The following ADGRB3 variants were observed in gnomAD, a reference collection of about 807,000 sequenced individuals.
ADGRB3 encodes the protein adhesion G protein-coupled receptor B3, also known as brain-specific angiogenesis inhibitor 3.
A neutral mutation model predicts 193.4 loss-of-function variants in ADGRB3; 37 were observed. The ratio of observed to expected loss-of-function variants is 0.19; its 90% confidence interval spans 0.15 to 0.25. The LOEUF is 0.25. Among genes scored for constraint, ADGRB3 ranks in the 10% least tolerant of loss-of-function variants. ADGRB3 has a pLI of 1.00. For synonymous variants in ADGRB3, 690 were observed against 644.2 expected, an observed-to-expected ratio of 1.07 and a Z score of -1.08; for missense variants, 1,637 against 1,852.9, an observed-to-expected ratio of 0.88 and a Z score of 2.14.
chr6:69,218,223 G>A (rs756680976), intron 17 of ADGRB3, among the ~76,000 whole-genome samples: 3 of 152,026 alleles, frequency 2.0e-5, no homozygotes, highest in Non-Finnish European at 2.9e-5. Context: ...ACCCATTAAC[G>A]TCAGGACTGA....
chr6:69,198,455 C>T (rs145417264), intron 17 of ADGRB3, among the ~76,000 whole-genome samples: 1 of 151,836 alleles, frequency 6.6e-6, no homozygotes, highest in South Asian at 2.1e-4. Flanking sequence ...AAAGATGGAG[C>T]GTGGGATGAT....
intron 17 of ADGRB3, among the ~76,000 whole-genome samples, chr6:69,156,690 G>A (rs1204136638): frequency 6.6e-6 from 1 of 152,154 alleles, no homozygotes; most frequent in Admixed American, 6.5e-5. Context: ...GTATACAATG[G>A]ATTGCAAAGA....
intron 13 of ADGRB3, among the ~76,000 whole-genome samples, chr6:69,033,923 A>G (rs1378362766): frequency 3.9e-5 from 6 of 152,080 alleles, no homozygotes; most frequent in Non-Finnish European, 8.8e-5. Flanking sequence ...GCTGATGACT[A>G]CAAAGTAGAA....
At chr6:68,771,674 A>G (rs1304521161) in intron 3 of ADGRB3, among the ~76,000 whole-genome samples, 1 of 152,142 alleles carries the variant, frequency 6.6e-6, no homozygotes, top group Non-Finnish European at 1.5e-5. Context: ...CAAACAAGCA[A>G]GTTAGCAATA....
At chr6:68,911,756 T>C (rs982124233) in intron 3 of ADGRB3, among the ~76,000 whole-genome samples, 1 of 152,204 alleles carries the variant, frequency 6.6e-6, no homozygotes, top group African/African-American at 2.4e-5. Flanking sequence ...CATGATGTCT[T>C]TTCATTTGGA....
At chr6:69,252,737 A>C (rs1766651783) in intron 20 of ADGRB3, among the ~76,000 whole-genome samples, 1 of 152,022 alleles carries the variant, frequency 6.6e-6, no homozygotes. Flanking sequence ...TTTTTCCTAT[A>C]GCTAGTGTTT....
intron 20 of ADGRB3, among the ~76,000 whole-genome samples, chr6:69,312,691 T>TA (rs1168420719): frequency 4.0e-5 from 6 of 151,686 alleles, no homozygotes; most frequent in African/African-American, 7.3e-5. Context: ...TGTTTTTGCT[T>TA]AAAAAAATAC....
chr6:69,200,213 T>G (rs1339132714), intron 17 of ADGRB3, among the ~76,000 whole-genome samples: 2 of 151,342 alleles, frequency 1.3e-5, no homozygotes, highest in Non-Finnish European at 2.9e-5. Context: ...TTCAAGAAAA[T>G]GAGAGAGAAA....
At chr6:68,824,372 A>T (rs1224687299) in intron 3 of ADGRB3, among the ~76,000 whole-genome samples, 1 of 151,208 alleles carries the variant, frequency 6.6e-6, no homozygotes, top group Non-Finnish European at 1.5e-5. Flanking sequence ...ATAAAATATT[A>T]CAGTTATCTT....
intron 20 of ADGRB3, among the ~76,000 whole-genome samples, chr6:69,303,497 T>A: frequency 6.6e-6 from 1 of 151,788 alleles, no homozygotes; most frequent in East Asian, 1.9e-4. Flanking sequence ...ACACTTCCAC[T>A]TCAAAGTTTT....
chr6:68,885,618 T>A (rs1354637445), intron 3 of ADGRB3, among the ~76,000 whole-genome samples: 1 of 152,182 alleles, frequency 6.6e-6, no homozygotes, highest in Non-Finnish European at 1.5e-5. Context: ...CTTAAAGTGT[T>A]GAACTCATGG....
rs541505651 is a variant in ADGRB3, at chr6:69,122,336, G to A, written c.2480+46298G>A. Among the ~76,000 whole-genome samples the A allele has an allele frequency of 3.6e-3, 550 of 151,396 alleles. 5 individuals are homozygous for A. The highest frequency in any genetic ancestry group is 0.01 in the Middle Eastern group (3 of 294). ...TGGTGGCACGCGCCTGTAATCCCAGGCACTCGGCAGGCTGAGGCAGGAGAA... is the reference window on the plus strand; with the variant it reads ...TGGTGGCACGCGCCTGTAATCCCAGACACTCGGCAGGCTGAGGCAGGAGAA... On this transcript the variant is annotated intron_variant, in intron 17 of 31. Coordinates refer to ENST00000370598, the MANE Select transcript of ADGRB3 (RefSeq NM_001704.3).
chr6:68,954,347 A>C (rs1471210165), intron 6 of ADGRB3, among the ~76,000 whole-genome samples: 1 of 152,110 alleles, frequency 6.6e-6, no homozygotes, highest in African/African-American at 2.4e-5. Context: ...TGACTAATAG[A>C]TTCTCAAAAT....
chr6:68,685,868 GGGC>G (rs1220973915), intron 3 of ADGRB3, among the ~76,000 whole-genome samples: 1 of 152,156 alleles, frequency 6.6e-6, no homozygotes, highest in Non-Finnish European at 1.5e-5. Context: ...ACTCCAGCCT[GGGC>G]GACAGAGCGA....
intron 17 of ADGRB3, among the ~76,000 whole-genome samples, chr6:69,148,039 G>A (rs1405488377): frequency 6.6e-6 from 1 of 152,054 alleles, no homozygotes; most frequent in Non-Finnish European, 1.5e-5. Context: ...GGTGAAGTGT[G>A]TCTCTTGTAG....
At position 68,877,165 on chromosome 6, in the gene ADGRB3, A is replaced by T. The variant is rs567236804; in HGVS notation, c.758-53394A>T. On this transcript the variant is annotated intron_variant, in intron 3 of 31. Transcript: ENST00000370598. ...GCCTTTATAGTTCCCTTCAGAAAAT[A>T]TTCAGCAAGATAAATTTATGTGTAA... Among the ~76,000 whole-genome samples, 25 of 152,176 alleles carry T rather than the reference A, an allele frequency of 1.6e-4. No individual in the cohort carries two copies. The South Asian group carries it at 5.0e-3, about 30-fold the overall frequency.
chr6:68,691,806 T>A (rs1937193751), intron 3 of ADGRB3, among the ~76,000 whole-genome samples: 1 of 150,938 alleles, frequency 6.6e-6, no homozygotes, highest in African/African-American at 2.4e-5. Context: ...CTACTCTACT[T>A]GTGAGTACTA....
chr6:68,785,463 A>G (rs1766947312), intron 3 of ADGRB3, among the ~76,000 whole-genome samples: 1 of 151,684 alleles, frequency 6.6e-6, no homozygotes, highest in African/African-American at 2.4e-5. Context: ...AGCTTCATCC[A>G]TGTCCCTACA....
chr6:69,388,652 G>T, intron 31 of ADGRB3, 51 bp from the exon 32 acceptor site: 1 of 1,528,260 alleles, frequency 6.5e-7, no homozygotes, highest in East Asian at 2.3e-5. Flanking sequence ...TTCAACTAGC[G>T]GTGATCCTGG....
Sources: gnomAD v4.1 joint callset for allele counts (sites outside exome capture counted in the v4.1 genomes callset) on GRCh38, gnomAD v4.1.1 for gene constraint, MANE v1.5 for transcripts, NCBI Gene and HGNC (gene_info 2026-07-23, HGNC 2026-07-21) for gene names.